Variants in TBCK observed in about 807,000 individuals in gnomAD.
The protein encoded by TBCK is TBC1 domain containing kinase.
Under a neutral mutation model 113.4 loss-of-function variants are expected in TBCK, and 99 were observed. That is an observed-to-expected ratio of 0.87 (90% CI 0.74 to 1.03). The LOEUF is 1.03. TBCK is among the 50% of genes least tolerant of loss of function. The pLI, the probability that TBCK is intolerant of heterozygous loss-of-function variation, is 0.00. For synonymous variants in TBCK, 369 were observed against 370.8 expected (o/e 1.00, Z 0.05); for missense variants, 1,045 against 1,061.3 (o/e 0.98, Z 0.21).
chr4:106,071,665 G>T (rs1737470409), intron 25 of TBCK, among the ~76,000 whole-genome samples: 1 of 152,148 alleles, frequency 6.6e-6, no homozygotes, highest in South Asian at 2.1e-4. Flanking sequence ...TTAACCTTCT[G>T]TCTTGTTGAT....
intron 11 of TBCK, 129 bp downstream of exon 11, chr4:106,244,497 C>T (rs911868541): frequency 1.1e-5 from 8 of 746,442 alleles, no homozygotes; most frequent in Non-Finnish European, 1.5e-5. Context: ...AGCTGGGATG[C>T]CTACCAAAAA....
chr4:106,290,626 A>G (rs974923411), intron 3 of TBCK, among the ~76,000 whole-genome samples: 1 of 152,230 alleles, frequency 6.6e-6, no homozygotes, highest in Non-Finnish European at 1.5e-5. Context: ...GACTTTTCTA[A>G]GGAAGGATGT....
chr4:106,074,748 C>G (rs1419934708), intron 25 of TBCK, among the ~76,000 whole-genome samples: 8 of 152,154 alleles, frequency 5.3e-5, no homozygotes, highest in African/African-American at 1.9e-4. Flanking sequence ...AGAGATAGTG[C>G]AGTTACCTGG....
chr4:106,284,402 T>A (rs1764916424), intron 3 of TBCK, among the ~76,000 whole-genome samples: 1 of 152,108 alleles, frequency 6.6e-6, no homozygotes, highest in Admixed American at 6.5e-5. Flanking sequence ...AAAATAAAAC[T>A]CACTAATTTG....
chr4:106,141,846 C>T, intron 23 of TBCK, among the ~76,000 whole-genome samples: 1 of 139,652 alleles, frequency 7.2e-6, no homozygotes, highest in Admixed American at 7.0e-5. Flanking sequence ...ATAATTTTTC[C>T]CAAGGGATAA....
At chr4:106,219,041 T>G (rs1757342665) in intron 19 of TBCK, among the ~76,000 whole-genome samples, 1 of 151,658 alleles carries the variant, frequency 6.6e-6, no homozygotes, top group South Asian at 2.1e-4. Flanking sequence ...TATGCAGCCA[T>G]AAATAATGAT....
At chr4:106,268,415 A>G (rs2150121859) in intron 3 of TBCK, among the ~76,000 whole-genome samples, 1 of 152,186 alleles carries the variant, frequency 6.6e-6, no homozygotes, top group East Asian at 1.9e-4. Context: ...TGTAATGTGC[A>G]TGTTCAATAA....
intron 3 of TBCK, among the ~76,000 whole-genome samples, chr4:106,268,387 C>T (rs533467021): frequency 2.3e-4 from 35 of 151,928 alleles, no homozygotes; most frequent in East Asian, 7.7e-4. Context: ...ACTATGACTC[C>T]GTATATCTAT....
rs530021181 is a variant in TBCK, at chr4:106,078,252, C to T, written c.2571+17230G>A. Among the ~76,000 whole-genome samples the T allele has an allele frequency of 2.0e-5, 3 of 152,078 alleles. No individual in the cohort carries two copies. The East Asian group carries it at 5.8e-4, about 29-fold the overall frequency. ...CTATAAAAATAGGAACAAACCAAAC[C>T]CAAAGCTAGCAGAAGAAAAGAAATA... On this transcript the variant is annotated intron_variant, in intron 25 of 25. Transcript: ENST00000394708.
chr4:106,240,693 A>C (rs960281472), intron 12 of TBCK, among the ~76,000 whole-genome samples: 1 of 152,044 alleles, frequency 6.6e-6, no homozygotes. Context: ...ACATTTTACT[A>C]TATGAAAATT....
chr4:106,155,685 A>G (rs1268658155), intron 23 of TBCK, among the ~76,000 whole-genome samples: 1 of 152,074 alleles, frequency 6.6e-6, no homozygotes, highest in Non-Finnish European at 1.5e-5. Flanking sequence ...TGCATTCTTC[A>G]GTATGCCAAT....
chr4:106,115,491 G>C (rs62321368), intron 24 of TBCK, among the ~76,000 whole-genome samples: 5 of 152,006 alleles, frequency 3.3e-5, no homozygotes, highest in Admixed American at 6.6e-5. Flanking sequence ...AACTTATGAA[G>C]CAAATTAGTT....
Position 106,285,746 on chromosome 4 carries a change from T to C in TBCK, c.266+9348A>G, listed in dbSNP as rs532786388. On this transcript the variant is annotated intron_variant, in intron 3 of 25. Transcript: ENST00000394708. Reference sequence around the variant, plus strand: ...AAGGAACAAGTAAAAATCACAAATGTCAAGTTGCAACCCCATCTAAATAGG... The same window carrying C: ...AAGGAACAAGTAAAAATCACAAATGCCAAGTTGCAACCCCATCTAAATAGG... 2.0e-5 allele frequency among the ~76,000 whole-genome samples: 3 copies of C among 152,292 alleles called. No individual in the cohort carries two copies. The South Asian group carries it at 6.2e-4, about 32-fold the overall frequency.
intron 22 of TBCK, among the ~76,000 whole-genome samples, chr4:106,178,708 C>G (rs1440517684): frequency 6.6e-6 from 1 of 151,946 alleles, no homozygotes; most frequent in East Asian, 1.9e-4. Flanking sequence ...TTGTTGAATT[C>G]AGTTGCTTGT....
chr4:106,200,654 T>C (rs1443081964), intron 20 of TBCK, among the ~76,000 whole-genome samples: 1 of 152,172 alleles, frequency 6.6e-6, no homozygotes, highest in Non-Finnish European at 1.5e-5. Flanking sequence ...TATAATATAT[T>C]TATCTTCATT....
chr4:106,216,602 A>G (rs536487229), intron 19 of TBCK, among the ~76,000 whole-genome samples: 37 of 152,354 alleles, frequency 2.4e-4, no homozygotes, highest in Non-Finnish European at 3.2e-4. Flanking sequence ...TATGCAAATA[A>G]ACTAGAAAAC....
intron 3 of TBCK, among the ~76,000 whole-genome samples, chr4:106,284,667 C>A (rs1764940924): frequency 6.6e-6 from 1 of 152,130 alleles, no homozygotes; most frequent in Non-Finnish European, 1.5e-5. Context: ...GAATATCTGT[C>A]CATGAGCTAC....
intron 25 of TBCK, among the ~76,000 whole-genome samples, chr4:106,092,760 G>A (rs576107004): frequency 5.3e-5 from 8 of 152,286 alleles, no homozygotes; most frequent in Admixed American, 2.6e-4. Flanking sequence ...CCCGGTTCCC[G>A]CCTGTGCCTC....
intron 2 of TBCK, among the ~76,000 whole-genome samples, chr4:106,305,409 T>C (rs1031929204): frequency 2.0e-5 from 3 of 152,126 alleles, no homozygotes; most frequent in African/African-American, 7.2e-5. Context: ...TCAAAATGAA[T>C]GAATGTAAGC....
Sources: allele counts gnomAD v4.1 joint callset (sites outside exome capture counted in the v4.1 genomes callset), GRCh38; gene constraint gnomAD v4.1.1; transcripts MANE v1.5; gene names NCBI Gene and HGNC (gene_info 2026-07-23, HGNC 2026-07-21).